The following STOX2 variants were observed in gnomAD, a reference collection of about 807,000 sequenced individuals.
The protein encoded by STOX2 is storkhead box 2, also known as storkhead-box protein 2.
STOX2 carries 28 observed loss-of-function variants against 60.9 expected under a neutral mutation model. The ratio of observed to expected loss-of-function variants is 0.46; its 90% CI spans 0.34 to 0.63. The LOEUF (loss-of-function observed/expected upper bound fraction) is 0.63. STOX2 is among the 30% of genes least tolerant of loss of function. The pLI, the probability that STOX2 is intolerant of heterozygous loss-of-function variation, is 0.01. For synonymous variants in STOX2, 472 were observed against 463.9 expected, an observed-to-expected ratio of 1.02 and a Z score of -0.22; for missense variants, 1,024 against 1,187.7, an observed-to-expected ratio of 0.86 and a Z score of 2.03.
At chr4:183,903,739 C>T (rs1161801639), upstream of STOX2, among the ~76,000 whole-genome samples, 1 of 152,182 alleles carries the variant, frequency 6.6e-6, no homozygotes, top group East Asian at 1.9e-4. Context: ...CTCCTACATT[C>T]ATTAATACAA....
At chr4:183,872,790 T>C (rs574912788) in intron 1 of STOX2, among the ~76,000 whole-genome samples, 14 of 152,326 alleles carry the variant, frequency 9.2e-5, no homozygotes, top group African/African-American at 3.4e-4. Context: ...CTTATTATTT[T>C]TTTTTTAATC....
chr4:183,865,393 A>G lies in STOX2; in HGVS notation c.364+67338A>G, dbSNP rs1740540535. On this transcript the variant is annotated intron_variant, in intron 1 of 2. Transcript: ENST00000513034. The surrounding 1 kb of genome is among the most constrained non-coding windows in gnomAD (Gnocchi z 4.1). Reference sequence around the variant, plus strand: ...AGGCAGAGACTATAGAAAAGGCATGAACAATTACTATAGAAACTGCCACAA... The same window carrying G: ...AGGCAGAGACTATAGAAAAGGCATGGACAATTACTATAGAAACTGCCACAA... Among the ~76,000 whole-genome samples the G allele has an allele frequency of 6.6e-6, 1 of 152,250 alleles. No homozygotes were observed. The highest frequency in any genetic ancestry group is 2.4e-5 in the African/African-American group (1 of 41,458).
At chr4:183,799,392 C>T (rs1003391957) in intron 1 of STOX2, among the ~76,000 whole-genome samples, 9 of 152,182 alleles carry the variant, frequency 5.9e-5, no homozygotes, top group African/African-American at 2.2e-4. Context: ...CTTGCTTTTG[C>T]CCCGTAGGAC....
In STOX2 at chr4:183,836,544, G is replaced by T. The variant is rs1739712908; in HGVS notation, c.364+38489G>T. On this transcript the variant is annotated intron_variant, in intron 1 of 2. Transcript: ENST00000513034. The surrounding 1 kb of genome is among the most constrained non-coding windows in gnomAD (Gnocchi z 4.1). Reference sequence around the variant, plus strand: ...ATGTGAACAATGTGAGGGGACTCAGGGGCTTTTTGATGCCTCAGCCATTAT... The same window carrying T: ...ATGTGAACAATGTGAGGGGACTCAGTGGCTTTTTGATGCCTCAGCCATTAT... Among the ~76,000 whole-genome samples the T allele has an allele frequency of 6.6e-6, 1 of 152,118 alleles. No individual in the cohort carries two copies. The highest frequency in any genetic ancestry group is 2.4e-5 in the African/African-American group (1 of 41,430).
In STOX2 at chr4:183,833,874, T is replaced by C. The variant is rs559463737; in HGVS notation, c.364+35819T>C. On this transcript the variant is annotated intron_variant, in intron 1 of 2. Coordinates refer to the STOX2 transcript ENST00000513034. Reference sequence around the variant, plus strand: ...GCAGGCGCCTGTAGTCCCAGCTACTTGGGAGGCTGAGGCAGGAGAATGGCG... The same window carrying C: ...GCAGGCGCCTGTAGTCCCAGCTACTCGGGAGGCTGAGGCAGGAGAATGGCG... Among the ~76,000 whole-genome samples, 79 of 146,384 alleles carry C rather than the reference T, an allele frequency of 5.4e-4. 1 individual carries two copies. In the South Asian group the frequency reaches 9.3e-3, roughly 17 times the overall value.
Position 183,950,503 on chromosome 4 carries a change from A to C in STOX2, c.166+43547A>C, listed in dbSNP as rs1378316049. Among the ~76,000 whole-genome samples the C allele has an allele frequency of 2.6e-5, 4 of 152,310 alleles. No homozygotes were observed. The East Asian group carries it at 7.7e-4, about 29-fold the overall frequency. ...AGTAATGGGGAGCCAGTGTGGCTGG[A>C]GCTCCTGGGCAGATCAGGAGAGACA... On this transcript the variant is annotated intron_variant, in intron 1 of 3. Transcript: ENST00000308497.
chr4:183,915,534 A>G (rs1041093159), intron 1 of STOX2, among the ~76,000 whole-genome samples: 2 of 152,016 alleles, frequency 1.3e-5, no homozygotes, highest in African/African-American at 4.8e-5. Context: ...TTCAAGTCCT[A>G]ACCCCCGGTA....
intron 1 of STOX2, among the ~76,000 whole-genome samples, chr4:183,967,612 C>T (rs1743616617): frequency 6.6e-6 from 1 of 152,130 alleles, no homozygotes; most frequent in Non-Finnish European, 1.5e-5. Context: ...ATGTACCTAA[C>T]TTAGATAACT....
At chr4:183,832,816 G>T (rs908772496) in intron 1 of STOX2, among the ~76,000 whole-genome samples, 5 of 145,012 alleles carry the variant, frequency 3.4e-5, no homozygotes, top group African/African-American at 1.4e-4. Context: ...CCTTACTGTC[G>T]TTAGGCTCTT....
chr4:183,938,644 G>T (rs924754065), intron 1 of STOX2, among the ~76,000 whole-genome samples: 9 of 134,120 alleles, frequency 6.7e-5, no homozygotes, highest in Non-Finnish European at 1.2e-4. Flanking sequence ...ACTCCAACCC[G>T]GGCAACAGAG....
At chr4:183,829,877 C>T (rs1739526249) in intron 1 of STOX2, among the ~76,000 whole-genome samples, 1 of 152,278 alleles carries the variant, frequency 6.6e-6, no homozygotes, top group African/African-American at 2.4e-5. Context: ...CAAAGAGACA[C>T]GAAGAAAAGT....
At chr4:183,861,437 C>G (rs754292393) in intron 1 of STOX2, among the ~76,000 whole-genome samples, 33 of 152,222 alleles carry the variant, frequency 2.2e-4, no homozygotes, top group Admixed American at 8.5e-4. Flanking sequence ...AACCGGGGAG[C>G]TTTCAGCCTC....
chr4:184,001,254 G>C lies in STOX2; in HGVS notation c.167-71G>C. On this transcript the variant is annotated intron_variant, in intron 1 of 3. Transcript: ENST00000308497. This position sits in a 1 kb window ranked among gnomAD's most constrained non-coding sequence, Gnocchi z 4.2. ...CGTCAGACCAGGGCCAGATGGACGC[G>C]TGAAGGCGTGTGTCTGACAGATGAC... 1 of 1,496,154 alleles carries C rather than the reference G, an allele frequency of 6.7e-7. No homozygotes were observed. Among genetic ancestry groups the C allele is most frequent in the South Asian group, 1.2e-5 (1 of 83,712 alleles). The allele number at this position is 1,496,154 out of a possible 1,614,324, so 92.7% of individuals were successfully genotyped here. A position where few individuals can be genotyped will look rare whatever the true frequency, so the allele number is the denominator to read the frequency against.
At chr4:183,984,082 T>G (rs1732753847) in intron 1 of STOX2, among the ~76,000 whole-genome samples, 1 of 152,224 alleles carries the variant, frequency 6.6e-6, no homozygotes, top group African/African-American at 2.4e-5. Flanking sequence ...TTGTCCATGC[T>G]TCCTCCCTGC....
upstream of STOX2, among the ~76,000 whole-genome samples, chr4:183,901,396 G>A (rs191844011): frequency 4.5e-4 from 68 of 152,112 alleles, 2 homozygotes; most frequent in African/African-American, 1.6e-3. Flanking sequence ...ATATCTCTTC[G>A]AGTCCCTGCT....
chr4:183,894,873 T>A, intron 1 of STOX2, among the ~76,000 whole-genome samples: 1 of 152,216 alleles, frequency 6.6e-6, no homozygotes, highest in East Asian at 1.9e-4. Flanking sequence ...TGCGGGGAAG[T>A]CATTTGAGTC....
Position 183,821,276 on chromosome 4 carries a change from G to A in STOX2, c.364+23221G>A, listed in dbSNP as rs1215601352. ...AACCCTCCCTTGGCTGGAGGCCCGT[G>A]TGTAACCATATGGTGCTTCACGGAA... On this transcript the variant is annotated intron_variant, in intron 1 of 2. Transcript: ENST00000513034. This position sits in a 1 kb window ranked among gnomAD's most constrained non-coding sequence, Gnocchi z 4.2. Among the ~76,000 whole-genome samples, 1 of 152,186 alleles carries A rather than the reference G, an allele frequency of 6.6e-6. No individual in the cohort carries two copies. Among genetic ancestry groups the A allele is most frequent in the African/African-American group, 2.4e-5 (1 of 41,438 alleles).
chr4:183,907,336 T>G (rs1449076430), intron 1 of STOX2, among the ~76,000 whole-genome samples: 1 of 152,144 alleles, frequency 6.6e-6, no homozygotes, highest in Admixed American at 6.5e-5. Flanking sequence ...TCTGAGTGGG[T>G]ATTTCCAGCA....
At position 183,938,591 on chromosome 4, in the gene STOX2, C is replaced by T. The variant is rs559628806; in HGVS notation, c.166+31635C>T. 2.3e-3 allele frequency among the ~76,000 whole-genome samples: 343 copies of T among 146,364 alleles called. 3 individuals carry two copies. The highest frequency in any genetic ancestry group is 8.0e-3 in the African/African-American group (320 of 39,988). On this transcript the variant is annotated intron_variant, in intron 1 of 3. Transcript: ENST00000308497. Reference sequence around the variant, plus strand: ...GGCGGAGGCAGGAGAATTGCTTGAACCCAGGAGGCGGAGGCTGCAGTGAGC... The same window carrying T: ...GGCGGAGGCAGGAGAATTGCTTGAATCCAGGAGGCGGAGGCTGCAGTGAGC...
Sources: gnomAD v4.1 joint callset for allele counts (sites outside exome capture counted in the v4.1 genomes callset) on GRCh38, gnomAD v4.1.1 for gene constraint, Gnocchi (gnomAD v3.1) non-coding constraint, MANE v1.5 for transcripts, NCBI Gene and HGNC (gene_info 2026-07-23, HGNC 2026-07-21) for gene names.